SMAP2: variants seen among roughly 807,000 people sequenced by gnomAD.
SMAP2 encodes the protein small ArfGAP2.
A neutral mutation model predicts 56.4 loss-of-function variants in SMAP2; 25 were observed. That is an observed-to-expected ratio of 0.44 (90% CI 0.32 to 0.62). SMAP2 has a LOEUF of 0.62. SMAP2 is among the 20% of genes least tolerant of loss of function. The pLI is 0.04. For synonymous variants in SMAP2, 157 were observed against 181.7 expected, an observed-to-expected ratio of 0.86 and a Z score of 1.09; for missense variants, 388 against 545.6, an observed-to-expected ratio of 0.71 and a Z score of 2.88.
intron 9 of SMAP2, among the ~76,000 whole-genome samples, chr1:40,420,257 C>T (rs1412680079): frequency 6.6e-6 from 1 of 152,024 alleles, no homozygotes; most frequent in Non-Finnish European, 1.5e-5. Context: ...GATTTTAATT[C>T]ACTTATTTTC....
chr1:40,421,882 C>T (rs1328219009), intron 9 of SMAP2, 94 bp from the exon 10 acceptor site: 2 of 1,430,568 alleles, frequency 1.4e-6, no homozygotes, highest in African/African-American at 2.8e-5. Flanking sequence ...TCATTCTCCC[C>T]ATCCTGGCAG....
At chr1:40,382,851 A>C (rs964921945) in intron 1 of SMAP2, among the ~76,000 whole-genome samples, 1 of 152,206 alleles carries the variant, frequency 6.6e-6, no homozygotes, top group Non-Finnish European at 1.5e-5. Flanking sequence ...CCAGGCTCTC[A>C]GTAAATATTT....
chr1:40,383,306 C>T (rs190531574), intron 1 of SMAP2, among the ~76,000 whole-genome samples: 20 of 152,152 alleles, frequency 1.3e-4, no homozygotes, highest in Non-Finnish European at 2.4e-4. Context: ...GCGTATTACC[C>T]TGGCTGCTCC....
intron 4 of SMAP2, among the ~76,000 whole-genome samples, chr1:40,411,828 T>C: frequency 6.6e-6 from 1 of 152,350 alleles, no homozygotes; most frequent in Non-Finnish European, 1.5e-5. Context: ...ATAAAATTAT[T>C]TTAGAGAAAA....
rs191088281 is a variant in SMAP2 at position 40,346,402 on chromosome 1, C to G, written c.-83+1492C>G. The stretch of plus-strand genomic sequence containing the variant: ...TTTTTTTTTTTGAAACAAAGTCTAG[C>G]TTTGTTGCCCGGACTGGAGTGCAGT... On this transcript the variant is annotated intron_variant, in intron 1 of 6. Transcript: ENST00000435168. 9.8e-4 allele frequency among the ~76,000 whole-genome samples: 149 copies of G among 151,834 alleles called. 1 individual carries two copies. The highest frequency in any genetic ancestry group is 3.3e-3 in the African/African-American group (138 of 41,424).
intron 9 of SMAP2, among the ~76,000 whole-genome samples, chr1:40,417,977 G>A (rs1645006096): frequency 1.3e-5 from 2 of 152,068 alleles, no homozygotes; most frequent in African/African-American, 4.8e-5. Context: ...GCTGACATTT[G>A]TACACAACTA....
rs144575757 is a variant in SMAP2 at position 40,382,762 on chromosome 1, T to C, written c.103+8539T>C. On this transcript the variant is annotated intron_variant, in intron 1 of 9. Transcript: ENST00000372718. Reference sequence around the variant, plus strand: ...TGCCACACTTTACACATCCCTAGAATGTAAGCTAGGGGGCAGGGGCCTATG... The same window carrying C: ...TGCCACACTTTACACATCCCTAGAACGTAAGCTAGGGGGCAGGGGCCTATG... 4.4e-3 allele frequency among the ~76,000 whole-genome samples: 667 copies of C among 152,346 alleles called. 5 individuals carry two copies. Among genetic ancestry groups the C allele is most frequent in the African/African-American group, 0.015 (631 of 41,574 alleles).
chr1:40,405,029 G>T (rs541030535), intron 1 of SMAP2, among the ~76,000 whole-genome samples: 1 of 152,258 alleles, frequency 6.6e-6, no homozygotes, highest in East Asian at 1.9e-4. Flanking sequence ...ACCACCTGGT[G>T]GTAATAAGGA....
rs201677657 is a variant in SMAP2 at position 40,374,262 on chromosome 1, G to C, written c.103+39G>C. The C allele has an allele frequency of 1.3e-6, 2 of 1,551,560 alleles. No homozygotes were observed. The highest frequency in any genetic ancestry group is 3.7e-5 in the Admixed American group (2 of 54,416). The stretch of plus-strand genomic sequence containing the variant: ...CCTGGCGGGCCAGGGGTCCAGCCGC[G>C]CCGGGGTGGTGGGGGTGGGCTGCGT... On this transcript the variant is annotated intron_variant, in intron 1 of 9. Transcript: ENST00000372718. The surrounding 1 kb of genome is among the most constrained non-coding windows in gnomAD (Gnocchi z 5.9).
intron 2 of SMAP2, among the ~76,000 whole-genome samples, chr1:40,365,471 C>A (rs1040818290): frequency 6.6e-6 from 1 of 152,078 alleles, no homozygotes; most frequent in African/African-American, 2.4e-5. Context: ...ACAGTGCAAC[C>A]AAACTATGCT....
intron 1 of SMAP2, among the ~76,000 whole-genome samples, chr1:40,378,536 T>G (rs1244152674): frequency 2.0e-5 from 3 of 152,170 alleles, no homozygotes; most frequent in Non-Finnish European, 4.4e-5. Flanking sequence ...TAGTTCTAAC[T>G]CCTGGGCTGA....
chr1:40,388,038 G>A (rs1316803562), intron 1 of SMAP2, among the ~76,000 whole-genome samples: 2 of 152,152 alleles, frequency 1.3e-5, no homozygotes, highest in South Asian at 2.1e-4. Flanking sequence ...CAGCAGTGCC[G>A]GCCCACCGGC....
At chr1:40,382,880 A>G (rs1191227729) in intron 1 of SMAP2, among the ~76,000 whole-genome samples, 1 of 152,138 alleles carries the variant, frequency 6.6e-6, no homozygotes, top group African/African-American at 2.4e-5. Context: ...GCATGAATTG[A>G]TTTTATCATC....
chr1:40,397,919 G>T (rs1644788024), intron 1 of SMAP2, among the ~76,000 whole-genome samples: 2 of 152,142 alleles, frequency 1.3e-5, no homozygotes, highest in Admixed American at 1.3e-4. Flanking sequence ...ATTTGAGTGT[G>T]CTGCATATTT....
intron 1 of SMAP2, among the ~76,000 whole-genome samples, chr1:40,357,353 G>A (rs1168242411): frequency 6.6e-6 from 1 of 152,052 alleles, no homozygotes; most frequent in African/African-American, 2.4e-5. Flanking sequence ...TACTCAGGAG[G>A]CTGAGGCAGG....
intron 3 of SMAP2, among the ~76,000 whole-genome samples, chr1:40,409,305 T>C (rs1644913541): frequency 6.6e-6 from 1 of 152,148 alleles, no homozygotes; most frequent in Non-Finnish European, 1.5e-5. Flanking sequence ...TGGGTTCAGG[T>C]GGAACCTGTT....
chr1:40,416,841 T>G lies in SMAP2; in HGVS notation c.909T>G (p.Val303=). Residue 303 remains valine (V), a synonymous_variant, in exon 9 of 10, where the codon GTT becomes GTG. Transcript: ENST00000372718. ...YPTAYPSFPG[V]TPPNSIMGSM... The stretch of plus-strand genomic sequence containing the variant: ...CAGCCTACCCCAGCTTCCCCGGGGT[T>G]ACACCTCCTAACAGCATAATGGGGA... The G allele has an allele frequency of 6.2e-7, 1 of 1,613,418 alleles. No individual in the cohort carries two copies. The highest frequency in any genetic ancestry group is 8.5e-7 in the Non-Finnish European group (1 of 1,179,374).
At chr1:40,388,218 C>T (rs1644679902) in intron 1 of SMAP2, among the ~76,000 whole-genome samples, 1 of 152,230 alleles carries the variant, frequency 6.6e-6, no homozygotes, top group Non-Finnish European at 1.5e-5. Flanking sequence ...ATCAACCACC[C>T]AAGGGCTGAG....
intron 1 of SMAP2, among the ~76,000 whole-genome samples, chr1:40,387,658 C>T (rs1007385426): frequency 6.6e-5 from 10 of 152,028 alleles, no homozygotes; most frequent in South Asian, 2.1e-4. Flanking sequence ...CAAGATGGGC[C>T]GGCACTTTCA....
Sources: allele counts gnomAD v4.1 joint callset (sites outside exome capture counted in the v4.1 genomes callset), GRCh38; gene constraint gnomAD v4.1.1; non-coding constraint Gnocchi (gnomAD v3.1); transcripts MANE v1.5; gene names NCBI Gene and HGNC (gene_info 2026-07-23, HGNC 2026-07-21).